The following ENOX1 variants were observed in gnomAD, a reference collection of about 807,000 sequenced individuals.
The protein encoded by ENOX1 is ecto-NOX disulfide-thiol exchanger 1.
A neutral mutation model predicts 82.5 loss-of-function variants in ENOX1; 42 were observed. That is an observed-to-expected ratio of 0.51 (90% CI 0.40 to 0.66). The LOEUF is 0.66. Among genes scored for constraint, ENOX1 ranks in the 30% least tolerant of loss-of-function variants. ENOX1 has a pLI of 0.00. For missense variants in ENOX1, 608 were observed against 811.6 expected, an observed-to-expected ratio of 0.75 and a Z score of 3.05; for synonymous variants, 271 against 282.2, an observed-to-expected ratio of 0.96 and a Z score of 0.40.
chr13:43,533,098 G>A (rs571887319), intron 2 of ENOX1, among the ~76,000 whole-genome samples: 7 of 152,058 alleles, frequency 4.6e-5, no homozygotes, highest in African/African-American at 1.2e-4. Flanking sequence ...ATTTAGCCCT[G>A]GAATATACAT....
At chr13:43,300,421 G>A (rs1407419770) in intron 11 of ENOX1, among the ~76,000 whole-genome samples, 1 of 152,146 alleles carries the variant, frequency 6.6e-6, no homozygotes, top group African/African-American at 2.4e-5. Flanking sequence ...CATCCTATAG[G>A]AGTTCAGAGA....
chr13:43,593,919 A>C (rs1044892490), intron 2 of ENOX1, among the ~76,000 whole-genome samples: 1 of 152,164 alleles, frequency 6.6e-6, no homozygotes, highest in Non-Finnish European at 1.5e-5. Flanking sequence ...TTTGTGCCAG[A>C]GTCTAATCCT....
intron 2 of ENOX1, among the ~76,000 whole-genome samples, chr13:43,569,646 G>A (rs2080083013): frequency 7.3e-6 from 1 of 136,828 alleles, no homozygotes; most frequent in Admixed American, 7.9e-5. Context: ...AGAATATAAA[G>A]GGCAAGCTCC....
intron 5 of ENOX1, among the ~76,000 whole-genome samples, chr13:43,387,867 A>G (rs2052525818): frequency 6.6e-6 from 1 of 152,170 alleles, no homozygotes. Context: ...ACATTTGACA[A>G]GGATTCATAC....
chr13:43,280,683 T>A (rs769223299), intron 12 of ENOX1, among the ~76,000 whole-genome samples: 1 of 152,216 alleles, frequency 6.6e-6, no homozygotes, highest in Non-Finnish European at 1.5e-5. Context: ...CTATATTACT[T>A]AACTCCTGAT....
At chr13:43,231,461 CGCTT>C (rs1207860844) in intron 15 of ENOX1, among the ~76,000 whole-genome samples, 2 of 152,280 alleles carry the variant, frequency 1.3e-5, no homozygotes, top group African/African-American at 4.8e-5. Context: ...AAGTTTATTC[CGCTT>C]ACTTGGTGAG....
intron 16 of ENOX1, among the ~76,000 whole-genome samples, chr13:43,219,766 C>A (rs926461895): frequency 1.3e-5 from 2 of 152,196 alleles, no homozygotes; most frequent in East Asian, 1.9e-4. Flanking sequence ...CAAATGGACA[C>A]AAGCAGATGC....
intron 2 of ENOX1, among the ~76,000 whole-genome samples, chr13:43,538,571 C>T (rs2078567284): frequency 6.6e-6 from 1 of 152,062 alleles, no homozygotes; most frequent in African/African-American, 2.4e-5. Context: ...TCTTGTGCCC[C>T]TGGTTTAATT....
At chr13:43,580,478 T>G (rs998498294) in intron 2 of ENOX1, among the ~76,000 whole-genome samples, 1 of 152,216 alleles carries the variant, frequency 6.6e-6, no homozygotes, top group East Asian at 1.9e-4. Flanking sequence ...CTAAGAACAG[T>G]TCTTGTATGC....
chr13:43,522,683 T>A (rs1036517989), intron 2 of ENOX1, among the ~76,000 whole-genome samples: 63 of 152,288 alleles, frequency 4.1e-4, no homozygotes, highest in African/African-American at 1.4e-3. Context: ...CATCATGCTG[T>A]CTTTTCATGC....
chr13:43,678,806 G>A (rs1269242358), intron 1 of ENOX1, among the ~76,000 whole-genome samples: 1 of 152,082 alleles, frequency 6.6e-6, no homozygotes, highest in Non-Finnish European at 1.5e-5. Context: ...TCCTCTCTCT[G>A]TCTCACATTT....
At chr13:43,480,616 C>T (rs920531992) in intron 3 of ENOX1, among the ~76,000 whole-genome samples, 1 of 152,092 alleles carries the variant, frequency 6.6e-6, no homozygotes, top group African/African-American at 2.4e-5. Flanking sequence ...ATTACATTGG[C>T]TTTCTTGAGA....
At chr13:43,660,145 T>A (rs953729851) in intron 2 of ENOX1, among the ~76,000 whole-genome samples, 12 of 152,192 alleles carry the variant, frequency 7.9e-5, no homozygotes, top group African/African-American at 2.9e-4. Flanking sequence ...TCAGTATAAT[T>A]TGGCTTACCT....
chr13:43,309,805 C>G (rs2047086002), intron 11 of ENOX1, among the ~76,000 whole-genome samples: 1 of 147,524 alleles, frequency 6.8e-6, no homozygotes, highest in Non-Finnish European at 1.5e-5. Flanking sequence ...TTCTCACATC[C>G]CCACAAAAAA....
At chr13:43,325,210 A>C (rs2153529300) in intron 10 of ENOX1, among the ~76,000 whole-genome samples, 1 of 152,320 alleles carries the variant, frequency 6.6e-6, no homozygotes, top group Non-Finnish European at 1.5e-5. Context: ...TGAAAAATTA[A>C]AGAGAAATCC....
chr13:43,289,086 A>G (rs1023395459), intron 12 of ENOX1, among the ~76,000 whole-genome samples: 1 of 152,220 alleles, frequency 6.6e-6, no homozygotes, highest in African/African-American at 2.4e-5. Context: ...AAATAAATGG[A>G]AAAACACTTC....
intron 5 of ENOX1, among the ~76,000 whole-genome samples, chr13:43,401,329 C>T (rs77966366): frequency 0.049 from 7,442 of 152,100 alleles, 522 homozygotes; most frequent in African/African-American, 0.15. Context: ...TATGAAATGA[C>T]GGTTTTCAGA....
At chr13:43,732,325 A>C (rs531204562) in intron 1 of ENOX1, among the ~76,000 whole-genome samples, 6 of 152,334 alleles carry the variant, frequency 3.9e-5, no homozygotes, top group Admixed American at 3.9e-4. Context: ...AAAGCATGCA[A>C]TGACAGAAAA....
intron 1 of ENOX1, among the ~76,000 whole-genome samples, chr13:43,782,795 A>G (rs2153854537): frequency 6.6e-6 from 1 of 152,330 alleles, no homozygotes; most frequent in African/African-American, 2.4e-5. Context: ...TGCATATATG[A>G]TCCAAGTTTT....
Sources: gnomAD v4.1 joint callset for allele counts (sites outside exome capture counted in the v4.1 genomes callset) on GRCh38, gnomAD v4.1.1 for gene constraint, MANE v1.5 for transcripts, NCBI Gene and HGNC (gene_info 2026-07-23, HGNC 2026-07-21) for gene names.